Variants in BRAF observed in about 807,000 individuals in gnomAD.
BRAF encodes serine/threonine-protein kinase B-raf.
A neutral mutation model predicts 104.6 loss-of-function variants in BRAF; 16 were observed. The ratio of observed to expected loss-of-function variants is 0.15; its 90% confidence interval spans 0.10 to 0.23. BRAF has a LOEUF of 0.23. Ranked by LOEUF, BRAF falls within the 10% of genes least tolerant of loss-of-function variation. BRAF has a pLI of 1.00. For missense variants in BRAF, 541 were observed against 937.3 expected (o/e 0.58, Z 5.52); for synonymous variants, 310 against 341.6 (o/e 0.91, Z 1.02).
intron 18 of BRAF, among the ~76,000 whole-genome samples, chr7:140,735,930 AAGC>A (rs1439420470): frequency 6.6e-6 from 1 of 152,166 alleles, no homozygotes; most frequent in Non-Finnish European, 1.5e-5. Context: ...ACAAAGAAGT[AAGC>A]AGTTGCAAAA....
chr7:140,908,035 G>A (rs978259640), intron 1 of BRAF, among the ~76,000 whole-genome samples: 2 of 152,158 alleles, frequency 1.3e-5, no homozygotes, highest in Non-Finnish European at 2.9e-5. Flanking sequence ...GTGAGCCACC[G>A]TGCCTGGCCC....
intron 1 of BRAF, among the ~76,000 whole-genome samples, chr7:140,870,884 A>C (rs1289240712): frequency 1.3e-5 from 2 of 151,996 alleles, no homozygotes; most frequent in East Asian, 1.9e-4. Context: ...AAAAAAAAAA[A>C]AAAAAGACTT....
At chr7:140,906,304 C>A (rs975341528) in intron 1 of BRAF, among the ~76,000 whole-genome samples, 5 of 151,832 alleles carry the variant, frequency 3.3e-5, no homozygotes, top group African/African-American at 1.2e-4. Context: ...TGGGCTCAAG[C>A]GATCCTCTCA....
intron 6 of BRAF, chr7:140,801,162 G>A (rs531123284): frequency 1.2e-4 from 52 of 429,618 alleles, no homozygotes; most frequent in African/African-American, 1.0e-3. Context: ...GGTTTCTATG[G>A]GTTAGGGGTC....
At position 140,885,327 on chromosome 7, in the gene BRAF, T is replaced by A. The variant is rs569755669; in HGVS notation, c.139-35115A>T. Among the ~76,000 whole-genome samples the A allele has an allele frequency of 1.2e-4, 18 of 150,456 alleles. No homozygotes were observed. The East Asian group carries it at 1.8e-3, about 15-fold the overall frequency. ...CCCAAAGTGGCTTTAAAAAAAAAAA[T>A]TTTTTTTTTGCCAATTTCTTTAATG... On this transcript the variant is annotated intron_variant, in intron 1 of 19. Coordinates refer to ENST00000644969, the MANE Select transcript of BRAF (RefSeq NM_001374258.1).
intron 1 of BRAF, among the ~76,000 whole-genome samples, chr7:140,909,781 T>C (rs2129138380): frequency 6.6e-6 from 1 of 151,936 alleles, no homozygotes; most frequent in East Asian, 1.9e-4. Flanking sequence ...CATTTCAGCC[T>C]GGGCAACAAG....
intron 14 of BRAF, among the ~76,000 whole-genome samples, chr7:140,774,432 TA>T (rs1800134237): frequency 6.6e-6 from 1 of 152,192 alleles, no homozygotes; most frequent in South Asian, 2.1e-4. Flanking sequence ...TCCAATTTGA[TA>T]ATGTTCTTCT....
intron 18 of BRAF, among the ~76,000 whole-genome samples, chr7:140,739,025 C>T (rs1227568146): frequency 1.3e-5 from 2 of 148,780 alleles, no homozygotes; most frequent in African/African-American, 5.0e-5. Flanking sequence ...GCTGAGCTGA[C>T]AAATGCCTTA....
intron 1 of BRAF, among the ~76,000 whole-genome samples, chr7:140,909,838 AC>A (rs1457380508): frequency 1.3e-3 from 197 of 148,974 alleles, no homozygotes; most frequent in African/African-American, 4.3e-3. Context: ...AACAACAACA[AC>A]AACAACAAAA....
chr7:140,873,761 A>G (rs1282107018), intron 1 of BRAF, among the ~76,000 whole-genome samples: 1 of 152,202 alleles, frequency 6.6e-6, no homozygotes, highest in African/African-American at 2.4e-5. Context: ...TCATGCACAC[A>G]GGAGACACAG....
intron 16 of BRAF, among the ~76,000 whole-genome samples, chr7:140,750,440 C>T (rs931436116): frequency 3.9e-5 from 6 of 152,160 alleles, no homozygotes; most frequent in African/African-American, 1.4e-4. Flanking sequence ...GACTACACTC[C>T]AGTCCAATCA....
intron 9 of BRAF, chr7:140,785,892 A>C (rs754758234): frequency 8.6e-5 from 34 of 397,234 alleles, no homozygotes; most frequent in Admixed American, 7.5e-4. Context: ...GGAATAAACA[A>C]GATGAATTGA....
chr7:140,801,823 C>A (rs1228011671), intron 5 of BRAF, among the ~76,000 whole-genome samples: 1 of 152,038 alleles, frequency 6.6e-6, no homozygotes, highest in Non-Finnish European at 1.5e-5. Flanking sequence ...CAACTGATTT[C>A]AAGCTTGACA....
chr7:140,882,527 G>A (rs936498620), intron 1 of BRAF, among the ~76,000 whole-genome samples: 3 of 151,840 alleles, frequency 2.0e-5, no homozygotes, highest in African/African-American at 4.8e-5. Context: ...ACAGGCGCAC[G>A]CCACCACACC....
chr7:140,815,387 C>A (rs757175205), intron 3 of BRAF, among the ~76,000 whole-genome samples: 2 of 150,688 alleles, frequency 1.3e-5, no homozygotes, highest in East Asian at 3.9e-4. Flanking sequence ...CCTCATGATT[C>A]GCCCGCCTCA....
intron 1 of BRAF, among the ~76,000 whole-genome samples, chr7:140,870,284 A>G (rs549728386): frequency 3.3e-5 from 5 of 152,350 alleles, no homozygotes; most frequent in South Asian, 2.1e-4. Context: ...TATTTTTATG[A>G]AAAAATGAAG....
At chr7:140,876,049 C>A (rs1277319656) in intron 1 of BRAF, among the ~76,000 whole-genome samples, 1 of 152,164 alleles carries the variant, frequency 6.6e-6, no homozygotes, top group Non-Finnish European at 1.5e-5. Flanking sequence ...TACATTAACC[C>A]TCTCCTCTTA....
chr7:140,883,384 T>G (rs1813165816), intron 1 of BRAF, among the ~76,000 whole-genome samples: 1 of 152,222 alleles, frequency 6.6e-6, no homozygotes, highest in Admixed American at 6.5e-5. Context: ...TTCTCAGGCT[T>G]GGCCTTTAAT....
At chr7:140,895,682 T>A (rs1420896533) in intron 1 of BRAF, among the ~76,000 whole-genome samples, 2 of 152,220 alleles carry the variant, frequency 1.3e-5, no homozygotes, top group African/African-American at 4.8e-5. Context: ...ATGCAGGGTT[T>A]AACTTTCTTT....
Sources: gnomAD v4.1 joint callset for allele counts (sites outside exome capture counted in the v4.1 genomes callset) on GRCh38, gnomAD v4.1.1 for gene constraint, MANE v1.5 for transcripts, NCBI Gene and HGNC (gene_info 2026-07-23, HGNC 2026-07-21) for gene names.